RCOR3: variants seen among roughly 807,000 people sequenced by gnomAD.
The protein encoded by RCOR3 is REST corepressor 3.
A neutral mutation model predicts 64.1 loss-of-function variants in RCOR3; 13 were observed. That is an observed-to-expected ratio of 0.20 (90% confidence interval 0.13 to 0.32). RCOR3 has a LOEUF of 0.32. Among genes scored for constraint, RCOR3 ranks in the 10% least tolerant of loss-of-function variants. RCOR3 has a pLI of 1.00. For missense variants in RCOR3, 489 were observed against 701.2 expected, an observed-to-expected ratio of 0.70 and a Z score of 3.42; for synonymous variants, 215 against 239.0, an observed-to-expected ratio of 0.90 and a Z score of 0.93.
At chr1:211,288,737 C>T (rs1302336624) in intron 7 of RCOR3, among the ~76,000 whole-genome samples, 2 of 151,872 alleles carry the variant, frequency 1.3e-5, no homozygotes, top group Admixed American at 1.3e-4. Context: ...CTCTCTTTAA[C>T]CAGCTGTCTA....
At position 211,313,105 on chromosome 1, in the gene RCOR3, G is replaced by T. The variant is rs538169978; in HGVS notation, c.1317+144G>T. 8.5e-6 allele frequency: 13 copies of T among 1,526,350 alleles called. No homozygotes were observed. The highest frequency in any genetic ancestry group is 1.1e-5 in the Non-Finnish European group (13 of 1,143,796). The allele number at this position is 1,526,350 out of a possible 1,614,324, so 94.6% of individuals were successfully genotyped here. A position where few individuals can be genotyped will look rare whatever the true frequency, so the allele number is the denominator to read the frequency against. On this transcript the variant is annotated intron_variant, in intron 11 of 11. Coordinates refer to ENST00000419091, the MANE Select transcript of RCOR3 (RefSeq NM_001136223.3). The surrounding 1 kb of genome is among the most constrained non-coding windows in gnomAD (Gnocchi z 4.7). ...ACACTTCTTCAGTGGTGCATCTCTC[G>T]TGACTCTTAAGTCATAATGACATGC...
At chr1:211,291,675 G>C in intron 8 of RCOR3, 2 of 420,494 alleles carry the variant, frequency 4.8e-6, no homozygotes, top group Admixed American at 2.7e-5. Context: ...CTATTCCTTG[G>C]TCCTGGTTAT....
intron 1 of RCOR3, 123 bp from the exon 2 acceptor site, chr1:211,259,985 C>G (rs1209117916): frequency 8.1e-7 from 1 of 1,227,284 alleles, no homozygotes; most frequent in African/African-American, 1.7e-5. Context: ...GAGTTGATAT[C>G]TTCCCATCCA....
At chr1:211,305,724 T>G (rs567937385) in intron 10 of RCOR3, among the ~76,000 whole-genome samples, 1 of 152,314 alleles carries the variant, frequency 6.6e-6, no homozygotes, top group African/African-American at 2.4e-5. Flanking sequence ...ACAGAGTAAT[T>G]TAAGTTATAG....
chr1:211,288,519 A>G (rs12563823), intron 7 of RCOR3, among the ~76,000 whole-genome samples: 71,783 of 146,470 alleles, frequency 0.49, 20,176 homozygotes, highest in East Asian at 0.62. Context: ...AAATATATTT[A>G]TAATAAATTT....
chr1:211,286,075 T>G (rs545851737), intron 7 of RCOR3, among the ~76,000 whole-genome samples: 1 of 152,310 alleles, frequency 6.6e-6, no homozygotes, highest in Admixed American at 6.5e-5. Context: ...ATGTGTCTTA[T>G]AAGGAGCATA....
chr1:211,282,818 T>C (rs1698002159), intron 7 of RCOR3, among the ~76,000 whole-genome samples: 1 of 152,142 alleles, frequency 6.6e-6, no homozygotes, highest in African/African-American at 2.4e-5. Flanking sequence ...TAGTCTCACC[T>C]TCTCTCTAGA....
At chr1:211,274,325 C>T in intron 4 of RCOR3, 63 bp downstream of exon 4, 1 of 1,174,156 alleles carries the variant, frequency 8.5e-7, no homozygotes. Flanking sequence ...TAGATTATCT[C>T]ATGATAGTTT....
Position 211,315,733 on chromosome 1 carries a change from A to G in RCOR3, c.*1965A>G, listed in dbSNP as rs1272491191. Reference sequence around the variant, plus strand: ...ACCAGCATCTGTCCAGCTGTTCAGTATATTGTGATTCATTAAAAAATCTCT... The same window carrying G: ...ACCAGCATCTGTCCAGCTGTTCAGTGTATTGTGATTCATTAAAAAATCTCT... On this transcript the variant is annotated 3_prime_UTR_variant, in exon 12 of 12. Transcript: ENST00000419091. 6.6e-6 allele frequency: 1 copy of G among 152,204 alleles called. No individual in the cohort carries two copies. The highest frequency in any genetic ancestry group is 2.4e-5 in the African/African-American group (1 of 41,450). The allele number at this position is 152,204 out of a possible 1,614,324, so 9.4% of individuals were successfully genotyped here.
chr1:211,313,419 T>C lies in RCOR3; in HGVS notation c.1318-5T>C. The C allele has an allele frequency of 6.2e-7, 1 of 1,612,020 alleles. No individual in the cohort carries two copies. Among genetic ancestry groups the C allele is most frequent in the Non-Finnish European group, 8.5e-7 (1 of 1,178,586 alleles). On this transcript the variant is annotated splice_region_variant and splice_polypyrimidine_tract_variant and intron_variant, in intron 11 of 11. Transcript: ENST00000419091. The surrounding 1 kb of genome is among the most constrained non-coding windows in gnomAD (Gnocchi z 4.7). ...ATACGTGTATTTTTGTTTCCTCACCTCTAGGCACAGACCCCACAGGCTCCT... is the reference window on the plus strand; with the variant it reads ...ATACGTGTATTTTTGTTTCCTCACCCCTAGGCACAGACCCCACAGGCTCCT...
intron 8 of RCOR3, among the ~76,000 whole-genome samples, chr1:211,295,435 G>T (rs1168451089): frequency 1.3e-5 from 2 of 152,122 alleles, no homozygotes; most frequent in Non-Finnish European, 2.9e-5. Flanking sequence ...GTTGCTAAAA[G>T]ATATTCAAAA....
At chr1:211,301,483 G>A (rs1264274612) in intron 9 of RCOR3, 1 of 152,058 alleles carries the variant, frequency 6.6e-6, no homozygotes, top group Non-Finnish European at 1.5e-5. Context: ...TATCAACCTT[G>A]ATTTTTACTA....
chr1:211,269,156 T>C (rs1220367930), intron 2 of RCOR3, among the ~76,000 whole-genome samples: 1 of 152,168 alleles, frequency 6.6e-6, no homozygotes, highest in African/African-American at 2.4e-5. Context: ...ATGGTAATTA[T>C]CGGTACCACA....
chr1:211,289,903 A>G lies in RCOR3; in HGVS notation c.939+507A>G, dbSNP rs562694355. Among the ~76,000 whole-genome samples, 12 of 152,302 alleles carry G rather than the reference A, an allele frequency of 7.9e-5. No homozygotes were observed. In the South Asian group the frequency reaches 1.7e-3, roughly 21 times the overall value. ...AACCTGTTAAGTTCTAACCCTGGCT[A>G]TACCATCTCTTCCTGTGTAACCTTA... is the stretch of plus-strand genomic sequence containing the variant. On this transcript the variant is annotated intron_variant, in intron 8 of 11. Transcript: ENST00000419091.
intron 9 of RCOR3, among the ~76,000 whole-genome samples, chr1:211,299,290 A>C (rs1700145957): frequency 4.6e-5 from 7 of 152,192 alleles, no homozygotes; most frequent in Admixed American, 4.6e-4. Flanking sequence ...AAGGTAGAAA[A>C]TTAATATGTC....
chr1:211,282,986 C>A (rs148359213), intron 7 of RCOR3, among the ~76,000 whole-genome samples: 3 of 152,126 alleles, frequency 2.0e-5, no homozygotes, highest in African/African-American at 7.2e-5. Context: ...TCAGTACTTG[C>A]CTTTTGTTAT....
chr1:211,275,039 T>C (rs1056451904), intron 4 of RCOR3, among the ~76,000 whole-genome samples: 20 of 151,236 alleles, frequency 1.3e-4, no homozygotes, highest in Admixed American at 1.1e-3. Flanking sequence ...CTCTATTATA[T>C]ATAATATACT....
At chr1:211,304,776 A>G (rs1358216733) in intron 10 of RCOR3, among the ~76,000 whole-genome samples, 3 of 152,248 alleles carry the variant, frequency 2.0e-5, no homozygotes, top group Non-Finnish European at 4.4e-5. Context: ...ATGAATACCC[A>G]TGGGCAAATT....
chr1:211,281,245 C>A (rs540198353), intron 7 of RCOR3, among the ~76,000 whole-genome samples: 1 of 152,220 alleles, frequency 6.6e-6, no homozygotes, highest in South Asian at 2.1e-4. Context: ...ATTCTGATTC[C>A]CATCTACCTT....
Sources: allele counts gnomAD v4.1 joint callset (sites outside exome capture counted in the v4.1 genomes callset), GRCh38; gene constraint gnomAD v4.1.1; non-coding constraint Gnocchi (gnomAD v3.1); transcripts MANE v1.5; gene names NCBI Gene and HGNC (gene_info 2026-07-23, HGNC 2026-07-21).